Variants in PIK3C2G observed in about 807,000 individuals in gnomAD.
The protein encoded by PIK3C2G is phosphatidylinositol 3-kinase C2 domain-containing subunit gamma.
PIK3C2G carries 168 observed loss-of-function variants against 181.1 expected under a neutral mutation model. The observed-to-expected ratio is 0.93, with a 90% CI of 0.82 to 1.05. The LOEUF is 1.05. PIK3C2G is among the 50% of genes least tolerant of loss of function. The pLI is 0.00. For missense variants in PIK3C2G, 1,869 were observed against 1,732.8 expected, an observed-to-expected ratio of 1.08 and a Z score of -1.40; for synonymous variants, 573 against 592.2, an observed-to-expected ratio of 0.97 and a Z score of 0.47.
chr12:18,677,324 G>A, the PIK3C2G span, among the ~76,000 whole-genome samples: 3 of 152,116 alleles, frequency 2.0e-5, no homozygotes, highest in East Asian at 5.8e-4. Context: ...ACACGACATA[G>A]GCTGAATCAG....
At chr12:18,703,480 A>G in the PIK3C2G span, among the ~76,000 whole-genome samples, 28 of 152,304 alleles carry the variant, frequency 1.8e-4, no homozygotes, top group African/African-American at 6.7e-4. Context: ...GTGCATGACC[A>G]TTGCTTTCTG....
chr12:18,417,239 G>T (rs1443558639), intron 16 of PIK3C2G, among the ~76,000 whole-genome samples: 1 of 152,074 alleles, frequency 6.6e-6, no homozygotes, highest in East Asian at 1.9e-4. Flanking sequence ...GCTTCTTATG[G>T]ATGAGCAAAA....
At chr12:18,583,558 G>T (rs1378062640) in intron 29 of PIK3C2G, among the ~76,000 whole-genome samples, 1 of 151,950 alleles carries the variant, frequency 6.6e-6, no homozygotes, top group African/African-American at 2.4e-5. Context: ...GCTCTGGAGA[G>T]TCTGTGGAGA....
At chr12:18,369,195 C>T (rs1485227081) in intron 12 of PIK3C2G, among the ~76,000 whole-genome samples, 1 of 152,178 alleles carries the variant, frequency 6.6e-6, no homozygotes, top group Non-Finnish European at 1.5e-5. Context: ...CTTCAAGTCT[C>T]TTTGCTCTTT....
intron 32 of PIK3C2G, among the ~76,000 whole-genome samples, chr12:18,641,083 C>T (rs1004769197): frequency 1.3e-5 from 2 of 152,068 alleles, no homozygotes; most frequent in Admixed American, 6.6e-5. Context: ...CCATCCTTTC[C>T]CATCTCCTCT....
chr12:18,413,436 G>A (rs59355883), intron 16 of PIK3C2G, among the ~76,000 whole-genome samples: 3,869 of 152,168 alleles, frequency 0.025, 140 homozygotes, highest in African/African-American at 0.084. Flanking sequence ...ATTTTAAGAA[G>A]TATTTTTTTC....
At chr12:18,497,260 T>C (rs2136088492) in intron 21 of PIK3C2G, among the ~76,000 whole-genome samples, 1 of 152,242 alleles carries the variant, frequency 6.6e-6, no homozygotes, top group Middle Eastern at 3.4e-3. Context: ...TAGAAAGAGA[T>C]CTCTCTTGGC....
intron 18 of PIK3C2G, among the ~76,000 whole-genome samples, chr12:18,482,623 C>G (rs373932543): frequency 3.3e-5 from 5 of 152,144 alleles, no homozygotes; most frequent in African/African-American, 7.2e-5. Flanking sequence ...CTTTGCCCCC[C>G]CTTTTCTCCA....
chr12:18,454,468 AG>A (rs1404538932), intron 18 of PIK3C2G, among the ~76,000 whole-genome samples: 2 of 152,288 alleles, frequency 1.3e-5, no homozygotes, highest in African/African-American at 4.8e-5. Flanking sequence ...TTAGCAATGT[AG>A]GGAAGTGTGA....
Position 18,307,768 on chromosome 12 carries a change from C to A in PIK3C2G, c.1035-6194C>A, listed in dbSNP as rs78953871. 1.6e-4 allele frequency among the ~76,000 whole-genome samples: 25 copies of A among 151,876 alleles called. No individual in the cohort carries two copies. In the East Asian group the frequency reaches 4.8e-3, roughly 29 times the overall value. On this transcript the variant is annotated intron_variant, in intron 5 of 32. Coordinates refer to ENST00000538779, the MANE Select transcript of PIK3C2G (RefSeq NM_001288772.2). ...TTCTATTATTTAATGCTTTTTCTCT[C>A]TTTTCTTTTTCATTTTCTCTACATA...
intron 30 of PIK3C2G, among the ~76,000 whole-genome samples, chr12:18,605,954 T>C (rs1425869709): frequency 6.6e-6 from 1 of 152,154 alleles, no homozygotes; most frequent in Non-Finnish European, 1.5e-5. Context: ...ATGGAGATAA[T>C]ACAAATTTCA....
chr12:18,448,619 G>C (rs543460469), intron 18 of PIK3C2G, among the ~76,000 whole-genome samples: 36 of 152,084 alleles, frequency 2.4e-4, no homozygotes, highest in African/African-American at 8.4e-4. Flanking sequence ...CCACATAAAA[G>C]TAAAATTGTA....
At chr12:18,415,342 G>A (rs1191972201) in intron 16 of PIK3C2G, among the ~76,000 whole-genome samples, 5 of 152,160 alleles carry the variant, frequency 3.3e-5, no homozygotes, top group Admixed American at 1.3e-4. Context: ...TGTGATCAGC[G>A]ATTGCTGATG....
intron 9 of PIK3C2G, among the ~76,000 whole-genome samples, chr12:18,340,080 A>G (rs1413924210): frequency 6.6e-6 from 1 of 152,168 alleles, no homozygotes; most frequent in Non-Finnish European, 1.5e-5. Context: ...TGTAGCTATT[A>G]AGACCTAGTG....
At chr12:18,635,541 G>A (rs1949558122) in intron 31 of PIK3C2G, among the ~76,000 whole-genome samples, 1 of 152,170 alleles carries the variant, frequency 6.6e-6, no homozygotes, top group Admixed American at 6.5e-5. Context: ...CAGGTCAAGA[G>A]CTATTTCTCA....
At chr12:18,635,891 T>G (rs559205515) in intron 31 of PIK3C2G, among the ~76,000 whole-genome samples, 2 of 152,308 alleles carry the variant, frequency 1.3e-5, no homozygotes, top group African/African-American at 4.8e-5. Flanking sequence ...GCCTCTTTCT[T>G]GGTTGTAGGA....
the PIK3C2G span, chr12:18,695,111 G>T: frequency 7.6e-6 from 12 of 1,588,124 alleles, no homozygotes; most frequent in African/African-American, 1.6e-4. Flanking sequence ...ACATTGTCAG[G>T]TAATAGAGAA....
chr12:18,316,090 C>T (rs1950849009), intron 6 of PIK3C2G, among the ~76,000 whole-genome samples: 1 of 151,716 alleles, frequency 6.6e-6, no homozygotes, highest in African/African-American at 2.4e-5. Context: ...AACCCAAGAG[C>T]AAAGAAGTAA....
At chr12:18,303,002 G>A (rs1950238705) in intron 5 of PIK3C2G, among the ~76,000 whole-genome samples, 1 of 151,990 alleles carries the variant, frequency 6.6e-6, no homozygotes, top group African/African-American at 2.4e-5. Context: ...ACCAGAGCAG[G>A]CCTGTCCTCA....
Sources: gnomAD v4.1 joint callset for allele counts (sites outside exome capture counted in the v4.1 genomes callset) on GRCh38, gnomAD v4.1.1 for gene constraint, MANE v1.5 for transcripts, NCBI Gene and HGNC (gene_info 2026-07-23, HGNC 2026-07-21) for gene names.